The following DLC1 variants were observed in gnomAD, a reference collection of about 807,000 sequenced individuals.
DLC1 encodes DLC1 Rho GTPase activating protein.
In DLC1, 54 loss-of-function variants were observed where a neutral mutation model predicts 140.3. The observed-to-expected ratio is 0.38, with a 90% CI of 0.31 to 0.48. DLC1 has a LOEUF of 0.48. DLC1 is among the 20% of genes least tolerant of loss of function. The pLI, the probability that DLC1 is intolerant of heterozygous loss-of-function variation, is 0.96. For missense variants in DLC1, 2,536 were observed against 1,907.0 expected, an observed-to-expected ratio of 1.33 and a Z score of -6.14; for synonymous variants, 986 against 728.1, an observed-to-expected ratio of 1.35 and a Z score of -5.70.
At chr8:13,338,770 A>G (rs879902070) in intron 4 of DLC1, 3 of 152,194 alleles carry the variant, frequency 2.0e-5, no homozygotes, top group African/African-American at 4.8e-5. Flanking sequence ...TACCTGCCCA[A>G]CTAGCGACAT....
intron 5 of DLC1, among the ~76,000 whole-genome samples, chr8:13,257,021 T>C (rs1345704567): frequency 2.0e-5 from 3 of 152,036 alleles, no homozygotes; most frequent in Admixed American, 2.0e-4. Flanking sequence ...CCTCTGACCC[T>C]CTTTTTTATT....
chr8:13,233,482 G>A (rs1253368733), intron 5 of DLC1, among the ~76,000 whole-genome samples: 1 of 151,716 alleles, frequency 6.6e-6, no homozygotes, highest in Non-Finnish European at 1.5e-5. Context: ...TTCCCCAACA[G>A]TTAAATTTTT....
At chr8:13,488,436 T>C (rs564404189) in intron 2 of DLC1, among the ~76,000 whole-genome samples, 2 of 152,320 alleles carry the variant, frequency 1.3e-5, no homozygotes, top group East Asian at 3.9e-4. Context: ...TATTGAAATC[T>C]AGATAATTGT....
intron 4 of DLC1, among the ~76,000 whole-genome samples, chr8:13,382,529 A>AAAAAAAAAGAAAG (rs557423876): frequency 1.8e-5 from 2 of 109,456 alleles, no homozygotes; most frequent in African/African-American, 7.1e-5. Context: ...AAAAAAAAAA[A>AAAAAAAAAGAAAG]AAAGAAAGAG....
intron 5 of DLC1, among the ~76,000 whole-genome samples, chr8:13,146,897 G>A (rs974448522): frequency 6.6e-6 from 1 of 152,160 alleles, no homozygotes; most frequent in African/African-American, 2.4e-5. Flanking sequence ...TTTGACATCT[G>A]CATGGCATTT....
chr8:13,479,863 A>AGAAGAAGAAGAAGAAGAGAAAAAG (rs1563383641), intron 2 of DLC1, among the ~76,000 whole-genome samples: 11 of 56,374 alleles, frequency 2.0e-4, no homozygotes, highest in Non-Finnish European at 4.2e-4. Flanking sequence ...GAAGAAGAGA[A>AGAAGAAGAAGAAGAAGAGAAAAAG]AAAGAAAGAA....
intron 4 of DLC1, among the ~76,000 whole-genome samples, chr8:13,369,307 T>G (rs774714938): frequency 9.4e-5 from 14 of 149,516 alleles, no homozygotes; most frequent in Non-Finnish European, 2.1e-4. Flanking sequence ...TTTAACCTAT[T>G]GATACCTCCT....
intron 4 of DLC1, among the ~76,000 whole-genome samples, chr8:13,333,935 T>A (rs1422489776): frequency 2.0e-5 from 3 of 152,140 alleles, no homozygotes; most frequent in African/African-American, 7.2e-5. Context: ...GGGAAAACAG[T>A]GATGAACAGA....
At chr8:13,364,471 T>C (rs1333753676) in intron 4 of DLC1, among the ~76,000 whole-genome samples, 1 of 152,144 alleles carries the variant, frequency 6.6e-6, no homozygotes, top group Non-Finnish European at 1.5e-5. Context: ...GCTAATTTTG[T>C]ATTTTTAGCA....
intron 2 of DLC1, among the ~76,000 whole-genome samples, chr8:13,412,261 A>T (rs550432183): frequency 1.3e-5 from 2 of 152,288 alleles, no homozygotes; most frequent in Admixed American, 1.3e-4. Flanking sequence ...TTTTTTTCAT[A>T]AAAAAGAAAT....
At chr8:13,197,372 G>T (rs189336284) in intron 5 of DLC1, among the ~76,000 whole-genome samples, 26 of 151,214 alleles carry the variant, frequency 1.7e-4, no homozygotes, top group Admixed American at 5.9e-4. Flanking sequence ...TTTTGAGATG[G>T]GAGTCTTGCT....
intron 2 of DLC1, among the ~76,000 whole-genome samples, chr8:13,434,470 A>ATGTG (rs147794589): frequency 1.9e-4 from 29 of 150,390 alleles, no homozygotes; most frequent in African/African-American, 5.8e-4. Flanking sequence ...AGTATTGAGA[A>ATGTG]TGTGTGTGTG....
At chr8:13,093,608 G>C (rs1349094978) in intron 12 of DLC1, among the ~76,000 whole-genome samples, 1 of 152,158 alleles carries the variant, frequency 6.6e-6, no homozygotes, top group Non-Finnish European at 1.5e-5. Flanking sequence ...GAAAAATCAA[G>C]TCACTCAAAT....
At chr8:13,247,301 C>A (rs568196377) in intron 5 of DLC1, among the ~76,000 whole-genome samples, 23 of 152,276 alleles carry the variant, frequency 1.5e-4, no homozygotes, top group Non-Finnish European at 2.6e-4. Flanking sequence ...GTCAGAAGTA[C>A]AATTGCAAAA....
chr8:13,153,602 T>G (rs1413815780), intron 5 of DLC1, among the ~76,000 whole-genome samples: 1 of 152,174 alleles, frequency 6.6e-6, no homozygotes, highest in Non-Finnish European at 1.5e-5. Flanking sequence ...GCTGATTGGT[T>G]TGTTTTGACA....
chr8:13,355,057 A>T (rs1047589298), intron 4 of DLC1, among the ~76,000 whole-genome samples: 8 of 152,160 alleles, frequency 5.3e-5, no homozygotes, highest in Non-Finnish European at 1.2e-4. Context: ...AGTCATAATC[A>T]TCTTACTGCA....
chr8:13,163,503 G>A (rs1392191659), intron 5 of DLC1, among the ~76,000 whole-genome samples: 5 of 152,142 alleles, frequency 3.3e-5, no homozygotes, highest in East Asian at 1.9e-4. Context: ...GCAGCTCAAC[G>A]AAGTGCCTGT....
intron 1 of DLC1, among the ~76,000 whole-genome samples, chr8:13,584,949 C>A (rs1469696681): frequency 1.3e-5 from 2 of 152,114 alleles, no homozygotes; most frequent in Non-Finnish European, 2.9e-5. Flanking sequence ...CCCATTTTAG[C>A]TTCTGCATTT....
rs74770591 is a variant in DLC1, at chr8:13,560,627, C to A, written c.-126+43910G>T. On this transcript the variant is annotated intron_variant, in intron 1 of 1. Coordinates refer to the DLC1 transcript ENST00000631382. ...CATGGGTTAAATTGTACTCCTCCTC[C>A]CCCACCATTCTTAAGTTGAAGTCCT... Among the ~76,000 whole-genome samples the A allele has an allele frequency of 3.8e-3, 583 of 152,266 alleles. 11 individuals are homozygous for A. In the East Asian group the frequency reaches 0.039, roughly 10 times the overall value.
Sources: gnomAD v4.1 joint callset for allele counts (sites outside exome capture counted in the v4.1 genomes callset) on GRCh38, gnomAD v4.1.1 for gene constraint, MANE v1.5 for transcripts, NCBI Gene and HGNC (gene_info 2026-07-23, HGNC 2026-07-21) for gene names.